The following CSMD3 variants were observed in gnomAD, a reference collection of about 807,000 sequenced individuals.
The protein encoded by CSMD3 is CUB and Sushi multiple domains 3.
CSMD3 carries 177 observed loss-of-function variants against 435.2 expected under a neutral mutation model. The ratio of observed to expected loss-of-function variants is 0.41; its 90% confidence interval spans 0.36 to 0.46. CSMD3 has a LOEUF of 0.46. CSMD3 is among the 20% of genes least tolerant of loss of function. The pLI, the probability that CSMD3 is intolerant of heterozygous loss-of-function variation, is 0.34. For missense variants in CSMD3, 4,265 were observed against 4,504.6 expected, an observed-to-expected ratio of 0.95 and a Z score of 1.52; for synonymous variants, 1,656 against 1,520.5, an observed-to-expected ratio of 1.09 and a Z score of -2.07.
At chr8:112,586,204 C>A (rs965484369) in intron 23 of CSMD3, among the ~76,000 whole-genome samples, 4 of 151,358 alleles carry the variant, frequency 2.6e-5, no homozygotes, top group Admixed American at 1.3e-4. Flanking sequence ...AATTCTCCTG[C>A]TGCAGCCAAT....
At chr8:113,354,422 G>T (rs749668436) in intron 1 of CSMD3, among the ~76,000 whole-genome samples, 1 of 152,022 alleles carries the variant, frequency 6.6e-6, no homozygotes, top group African/African-American at 2.4e-5. Flanking sequence ...GTATATAAAA[G>T]AAAATACAAA....
intron 1 of CSMD3, among the ~76,000 whole-genome samples, chr8:113,385,121 G>A (rs1288729901): frequency 1.3e-5 from 2 of 151,970 alleles, no homozygotes; most frequent in African/African-American, 4.8e-5. Flanking sequence ...CAATTACCAG[G>A]AGTCAATTTT....
At chr8:113,207,144 T>A (rs1278537100) in intron 3 of CSMD3, among the ~76,000 whole-genome samples, 2 of 152,158 alleles carry the variant, frequency 1.3e-5, no homozygotes, top group Non-Finnish European at 2.9e-5. Context: ...TCTAACTTTA[T>A]CTAAAAGAAT....
chr8:112,769,216 G>A (rs1005504883), intron 13 of CSMD3, among the ~76,000 whole-genome samples: 4 of 151,914 alleles, frequency 2.6e-5, no homozygotes, highest in Admixed American at 2.0e-4. Flanking sequence ...CAATATATCA[G>A]CCAGAGTGAT....
intron 1 of CSMD3, chr8:113,376,774 A>T (rs143842097): frequency 1.2e-5 from 20 of 1,613,862 alleles, no homozygotes; most frequent in Non-Finnish European, 1.7e-5. Context: ...ACAGGTTTCC[A>T]GCAAAGGAAC....
chr8:113,371,149 G>A (rs901029152), intron 1 of CSMD3, among the ~76,000 whole-genome samples: 3 of 152,014 alleles, frequency 2.0e-5, no homozygotes, highest in African/African-American at 7.2e-5. Context: ...TTTTGAAATA[G>A]ATATGCCATT....
At chr8:112,545,482 C>CAAA (rs71566032) in intron 27 of CSMD3, among the ~76,000 whole-genome samples, 3,429 of 26,270 alleles carry the variant, frequency 0.13, 247 homozygotes, top group Non-Finnish European at 0.15. Flanking sequence ...GACTCCATCT[C>CAAA]AAAAAAAAAA....
chr8:112,765,851 T>C (rs551208710), intron 13 of CSMD3, among the ~76,000 whole-genome samples: 1 of 151,892 alleles, frequency 6.6e-6, no homozygotes, highest in South Asian at 2.1e-4. Flanking sequence ...TCAAGGAATA[T>C]TGCATGCTTC....
At chr8:112,328,945 G>C (rs1279503317) in intron 45 of CSMD3, among the ~76,000 whole-genome samples, 1 of 152,070 alleles carries the variant, frequency 6.6e-6, no homozygotes, top group Non-Finnish European at 1.5e-5. Flanking sequence ...GTGTGAGAAT[G>C]GACTAATACA....
chr8:112,249,851 A>C (rs1815107778), intron 63 of CSMD3, among the ~76,000 whole-genome samples: 1 of 152,058 alleles, frequency 6.6e-6, no homozygotes, highest in South Asian at 2.1e-4. Flanking sequence ...CATCTGTAGA[A>C]ACCCTTCCCT....
At chr8:112,596,174 T>C (rs1279897606) in intron 22 of CSMD3, among the ~76,000 whole-genome samples, 3 of 151,378 alleles carry the variant, frequency 2.0e-5, no homozygotes, top group Admixed American at 6.6e-5. Flanking sequence ...GAGGAAGATC[T>C]ACCAAGCAAT....
chr8:112,261,871 A>G (rs1383986651), intron 61 of CSMD3, among the ~76,000 whole-genome samples: 5 of 151,862 alleles, frequency 3.3e-5, no homozygotes, highest in Admixed American at 1.3e-4. Context: ...CTGTCCAGGT[A>G]TTTTGACCAT....
At chr8:113,107,577 T>C (rs2090517598) in intron 4 of CSMD3, among the ~76,000 whole-genome samples, 1 of 152,188 alleles carries the variant, frequency 6.6e-6, no homozygotes, top group Admixed American at 6.5e-5. Flanking sequence ...CATACTGTAT[T>C]TTCCAACCAT....
Position 113,123,362 on chromosome 8 carries a change from A to G in CSMD3, c.710-24399T>C, listed in dbSNP as rs1276542812. Among the ~76,000 whole-genome samples the G allele has an allele frequency of 5.9e-5, 9 of 152,210 alleles. 1 individual carries two copies. The South Asian group carries it at 1.2e-3, about 21-fold the overall frequency. ...TGAAAATTATGCTTTATCAATATCA[A>G]CTAAATGAGGAGTCAGCAAACTATG... On this transcript the variant is annotated intron_variant, in intron 4 of 70. Transcript: ENST00000297405.
At chr8:112,405,619 A>G (rs892382182) in intron 35 of CSMD3, among the ~76,000 whole-genome samples, 44 of 151,978 alleles carry the variant, frequency 2.9e-4, no homozygotes, top group African/African-American at 1.1e-3. Flanking sequence ...CGAAACAATA[A>G]GATTTTTGGC....
At chr8:112,970,787 T>A (rs1027261766) in intron 7 of CSMD3, among the ~76,000 whole-genome samples, 1 of 151,550 alleles carries the variant, frequency 6.6e-6, no homozygotes, top group African/African-American at 2.4e-5. Context: ...AGTGGTGCGA[T>A]CTCGGCTCAC....
intron 36 of CSMD3, among the ~76,000 whole-genome samples, chr8:112,384,958 T>A (rs1829802231): frequency 6.6e-6 from 1 of 152,208 alleles, no homozygotes; most frequent in Admixed American, 6.5e-5. Flanking sequence ...TGGGCTAAGC[T>A]GAAGATATTG....
chr8:112,412,301 T>C (rs778022396), intron 32 of CSMD3, among the ~76,000 whole-genome samples: 21 of 152,126 alleles, frequency 1.4e-4, no homozygotes, highest in Non-Finnish European at 2.8e-4. Context: ...CTTTTATTTC[T>C]AGGACTACAA....
At position 112,937,352 on chromosome 8, in the gene CSMD3, G is replaced by GTTTT. The variant is rs5894122; in HGVS notation, c.1508+10434_1508+10437dup. Among the ~76,000 whole-genome samples, 7 of 135,312 alleles carry GTTTT rather than the reference G, an allele frequency of 5.2e-5. 1 individual carries two copies. The highest frequency in any genetic ancestry group is 2.4e-4 in the South Asian group (1 of 4,234). 88.8% of individuals were successfully genotyped at this position (135,312 alleles called of 152,430 possible). ...TTTGTTTTTGGACCTAGGTAATAAT[G>GTTTT]TTTTTTTTTTTTTTTTGAGACAGAG... On this transcript the variant is annotated intron_variant, in intron 9 of 70. Transcript: ENST00000297405.
Sources: gnomAD v4.1 joint callset for allele counts (sites outside exome capture counted in the v4.1 genomes callset) on GRCh38, gnomAD v4.1.1 for gene constraint, MANE v1.5 for transcripts, NCBI Gene and HGNC (gene_info 2026-07-23, HGNC 2026-07-21) for gene names.